MYBPC3: variants seen among roughly 807,000 people sequenced by gnomAD.
The protein encoded by MYBPC3 is myosin binding protein C3.
A neutral mutation model predicts 159.3 loss-of-function variants in MYBPC3; 108 were observed. The ratio of observed to expected loss-of-function variants is 0.68; its 90% confidence interval spans 0.58 to 0.80. The LOEUF (loss-of-function observed/expected upper bound fraction) is 0.80. Among genes scored for constraint, MYBPC3 ranks in the 30% least tolerant of loss-of-function variants. MYBPC3 has a pLI of 0.00. For missense variants in MYBPC3, 1,631 were observed against 1,762.1 expected, an observed-to-expected ratio of 0.93 and a Z score of 1.33; for synonymous variants, 730 against 702.0, an observed-to-expected ratio of 1.04 and a Z score of -0.63.
In MYBPC3 at chr11:47,350,591, G is replaced by C. The variant is rs986848670; in HGVS notation, c.317C>G (p.Pro106Arg). 9 of 1,519,206 alleles carry C rather than the reference G, an allele frequency of 5.9e-6. No homozygotes were observed. The highest frequency in any genetic ancestry group is 1.3e-5 in the South Asian group (1 of 77,866). 94.1% of individuals were successfully genotyped at this position (1,519,206 alleles called of 1,614,324 possible). ...AGTGGCCTCAGCAGGGGCAGGGGCA[G>C]GGGCCAGCATGGGCTCTGCCTTCTC... ...EAEKAEPMLA[P>R]APAPAEATGA... is the part of the protein sequence containing the mutation. The change falls in exon 3 of 35, where the codon CCT becomes CGT. Residue 106 changes from proline to arginine, a missense_variant. Coordinates refer to ENST00000545968, the MANE Select transcript of MYBPC3 (RefSeq NM_000256.3).
Position 47,352,658 on chromosome 11 carries a change from G to A in MYBPC3, c.-11C>T, listed in dbSNP as rs762719022. The A allele has an allele frequency of 8.8e-6, 14 of 1,589,378 alleles. No individual in the cohort carries two copies. Among genetic ancestry groups the A allele is most frequent in the South Asian group, 7.9e-5 (7 of 88,188 alleles). On this transcript the variant is annotated 5_prime_UTR_variant, in exon 1 of 35. In the 5' UTR this introduces an upstream ATG that the reference lacks. Coordinates refer to ENST00000545968, the MANE Select transcript of MYBPC3 (RefSeq NM_000256.3). ...CCCCGGCTCAGGCATCCTGAGAGAC[G>A]TCACACCAGGCACGAAGCAGGCACA...
At chr11:47,347,263 C>T in intron 9 of MYBPC3, 163 bp downstream of exon 9, 1 of 985,344 alleles carries the variant, frequency 1.0e-6, no homozygotes. Context: ...GTCTGCAGAG[C>T]CCTTTAACTC....
intron 29 of MYBPC3, 61 bp from the exon 30 acceptor site, chr11:47,333,394 G>T: frequency 6.7e-7 from 1 of 1,502,354 alleles, no homozygotes. Flanking sequence ...GGGGTCACTG[G>T]CTCCAGGGAC....
chr11:47,339,622 T>C (rs1565626339), intron 21 of MYBPC3, 29 bp downstream of exon 21: 1 of 1,546,358 alleles, frequency 6.5e-7, no homozygotes, highest in South Asian at 1.2e-5. Context: ...ATCTTATAGA[T>C]GGGGAGACTG....
chr11:47,337,544 G>A lies in MYBPC3; in HGVS notation c.2449C>T (p.Arg817Trp), dbSNP rs727503188. ...AGGTCGAAGTTCAGCCGCATCCACC[G>A]GTAGCTCTTCTTCTTCTTGCGCTCC... is the stretch of plus-strand genomic sequence containing the variant. ...ILERKKKKSY[R>W]WMRLNFDLIQ... The change falls in exon 25 of 35, where the codon CGG becomes TGG. Residue 817 changes from arginine (R) to tryptophan (W), a missense_variant. Transcript: ENST00000545968. 4.3e-6 allele frequency: 7 copies of A among 1,613,960 alleles called. No individual in the cohort carries two copies. Among genetic ancestry groups the A allele is most frequent in the Non-Finnish European group, 4.2e-6 (5 of 1,179,888 alleles).
chr11:47,343,347 G>A (rs1441144336), intron 13 of MYBPC3, 85 bp from the exon 14 acceptor site: 4 of 1,490,892 alleles, frequency 2.7e-6, no homozygotes, highest in Non-Finnish European at 3.6e-6. Context: ...GGGACCGGCA[G>A]GAGCAAAAGG....
rs727505266 is a variant in MYBPC3, at chr11:47,343,496, C to G, written c.1219G>C (p.Gly407Arg). The G allele has an allele frequency of 1.9e-6, 3 of 1,589,616 alleles. No homozygotes were observed. The highest frequency in any genetic ancestry group is 3.5e-5 in the Admixed American group (2 of 56,542). Residue 407 changes from glycine (G) to arginine (R), a missense_variant, in exon 13 of 35, where the codon GGC becomes CGC. By Grantham distance (125) the Gly-to-Arg change is moderately radical. Transcript: ENST00000545968. ...CCTCCCCACCCCAGGCTGCACCTGCCGCTCATCTGGATCTCCTGGCCATTC... is the reference window on the plus strand; with the variant it reads ...CCTCCCCACCCCAGGCTGCACCTGCGGCTCATCTGGATCTCCTGGCCATTC... Reference protein sequence around the residue: ...LKNGQEIQMSGSKYIFESIGA... With the variant: ...LKNGQEIQMSRSKYIFESIGA...
rs373519667 is a variant in MYBPC3, at chr11:47,332,889, C to T, written c.3415G>A (p.Val1139Ile). 5.3e-5 allele frequency: 86 copies of T among 1,607,962 alleles called. No homozygotes were observed. Among genetic ancestry groups the T allele is most frequent in the African/African-American group, 5.2e-4 (39 of 74,940 alleles). Residue 1139 changes from valine to isoleucine, a missense_variant, in exon 31 of 35, where the codon GTC (valine) becomes ATC (isoleucine). By Grantham distance (29) the Val-to-Ile change is conservative. Transcript: ENST00000545968. The surrounding 1 kb of genome is among the most constrained non-coding windows in gnomAD (Gnocchi z 4.2). ...AAGCCAACCATATTCTGGCTGAAGA[C>T]GCGGAAGTAGTAGCCATTGCCAATG... ...LIIGNGYYFR[V>I]FSQNMVGFSD...
chr11:47,347,710 T>A, intron 7 of MYBPC3, 30 bp from the exon 8 acceptor site: 1 of 1,561,492 alleles, frequency 6.4e-7, no homozygotes, highest in Non-Finnish European at 8.7e-7. Context: ...TATCCTCACC[T>A]GCCTGGGAAG....
At chr11:47,333,852 A>G (rs1479206891) in intron 28 of MYBPC3, 70 bp downstream of exon 28, 2 of 1,548,830 alleles carry the variant, frequency 1.3e-6, no homozygotes, top group African/African-American at 2.7e-5. Context: ...CTGAGACATC[A>G]GTCCACTGGA....
chr11:47,335,454 C>T (rs1453163979), intron 26 of MYBPC3: 4 of 340,260 alleles, frequency 1.2e-5, no homozygotes, highest in Admixed American at 4.8e-5. Flanking sequence ...CAGCCTCCCG[C>T]GTAGCTGGGA....
intron 26 of MYBPC3, 22 bp from the exon 27 acceptor site, chr11:47,335,231 C>G: frequency 6.4e-7 from 1 of 1,568,802 alleles, no homozygotes; most frequent in Non-Finnish European, 8.7e-7. Context: ...GAGGGGGAGG[C>G]AAGGCCACAG....
chr11:47,349,897 G>A lies in MYBPC3; in HGVS notation c.531C>T (p.Arg177=), dbSNP rs368035400. 1.3e-4 allele frequency: 217 copies of A among 1,608,634 alleles called. 1 individual carries two copies. Among genetic ancestry groups the A allele is most frequent in the Non-Finnish European group, 1.6e-4 (192 of 1,177,842 alleles). ...TVGGSITFSA[R]VAGASLLKPP... Reference sequence around the variant, plus strand: ...GCTTCAGGAGGCTGGCGCCGGCCACGCGGGCTGAGAAGGTGATGCTGCCAC... The same window carrying A: ...GCTTCAGGAGGCTGGCGCCGGCCACACGGGCTGAGAAGGTGATGCTGCCAC... Residue 177 remains arginine (R), a synonymous_variant, in exon 5 of 35, where the codon CGC becomes CGT. Transcript: ENST00000545968.
At chr11:47,348,908 T>TTATATATACATACA (rs1555123224) in intron 5 of MYBPC3, among the ~76,000 whole-genome samples, 1 of 39,878 alleles carries the variant, frequency 2.5e-5, no homozygotes, top group African/African-American at 7.6e-5. Flanking sequence ...CTGTCTCAAA[T>TTATATATACATACA]TATATATATA....
intron 20 of MYBPC3, among the ~76,000 whole-genome samples, chr11:47,340,220 C>T (rs1463390253): frequency 7.2e-6 from 1 of 139,754 alleles, no homozygotes; most frequent in Non-Finnish European, 1.5e-5. Context: ...AATACACATA[C>T]ATACACGCAC....
chr11:47,347,868 G>A lies in MYBPC3; in HGVS notation c.810C>T (p.Ala270=). 4 of 1,569,160 alleles carry A rather than the reference G, an allele frequency of 2.5e-6. No homozygotes were observed. Among genetic ancestry groups the A allele is most frequent in the Non-Finnish European group, 3.5e-6 (4 of 1,157,590 alleles). Residue 270 remains alanine, a synonymous_variant, in exon 7 of 35, where the codon GCC becomes GCT. Coordinates refer to ENST00000545968, the MANE Select transcript of MYBPC3 (RefSeq NM_000256.3). ...GGATGGCCACTCACGTGCGGCGGAA[G>A]GCTGATAGGAGGTCCAGGTCTCCGG... The part of the protein sequence containing the change: ...MGTGDLDLLS[A]FRRTSLAGGG...
At chr11:47,333,369 C>T (rs771147981) in intron 29 of MYBPC3, 36 bp from the exon 30 acceptor site, 2 of 1,528,890 alleles carry the variant, frequency 1.3e-6, no homozygotes, top group Admixed American at 2.0e-5. Flanking sequence ...CACCACGCCT[C>T]CTGACAGTGA....
rs1464481778 is a variant in MYBPC3 at position 47,347,921 on chromosome 11, G to A, written c.773-16C>T. The A allele has an allele frequency of 1.3e-6, 2 of 1,570,082 alleles. No individual in the cohort carries two copies. Among genetic ancestry groups the A allele is most frequent in the Non-Finnish European group, 1.7e-6 (2 of 1,158,066 alleles). On this transcript the variant is annotated splice_polypyrimidine_tract_variant and intron_variant, in intron 6 of 34. Transcript: ENST00000545968. ...CCCATGGCCTCTGGGTTCAAAGGGT[G>A]GAGAGATGGGGGAAGGGGCTTCAGA...
Position 47,337,674 on chromosome 11 carries a change from G to C in MYBPC3, c.2413+16C>G, listed in dbSNP as rs1273484241. The C allele has an allele frequency of 6.3e-7, 1 of 1,593,278 alleles. No homozygotes were observed. ...TTTGGCGCCCTCACACCTCCATCCG[G>C]TGCCCTTGCACTCACCCAGGATGGG... On this transcript the variant is annotated intron_variant, in intron 24 of 34. Coordinates refer to ENST00000545968, the MANE Select transcript of MYBPC3 (RefSeq NM_000256.3).
Sources: allele counts gnomAD v4.1 joint callset (sites outside exome capture counted in the v4.1 genomes callset), GRCh38; gene constraint gnomAD v4.1.1; non-coding constraint Gnocchi (gnomAD v3.1); transcripts MANE v1.5; gene names NCBI Gene and HGNC (gene_info 2026-07-23, HGNC 2026-07-21).